SGPP2: variants seen among roughly 807,000 people sequenced by gnomAD.
The protein encoded by SGPP2 is sphingosine-1-phosphate phosphatase 2.
A neutral mutation model predicts 33.9 loss-of-function variants in SGPP2; 30 were observed. The observed-to-expected ratio is 0.89, with a 90% CI of 0.66 to 1.20. The LOEUF is 1.20. Ranked by LOEUF, SGPP2 falls within the 50% of genes most tolerant of loss-of-function variation. SGPP2 has a pLI of 0.00. For synonymous variants in SGPP2, 233 were observed against 225.0 expected (o/e 1.04, Z -0.32); for missense variants, 458 against 532.1 (o/e 0.86, Z 1.37).
intron 4 of SGPP2, among the ~76,000 whole-genome samples, chr2:222,541,068 C>G (rs191124554): frequency 6.6e-6 from 1 of 152,320 alleles, no homozygotes; most frequent in Admixed American, 6.5e-5. Context: ...CCACCCGCCT[C>G]AGCCTTCCAA....
chr2:222,553,617 C>T (rs542489874), intron 4 of SGPP2, among the ~76,000 whole-genome samples: 4 of 152,298 alleles, frequency 2.6e-5, no homozygotes, highest in South Asian at 2.1e-4. Context: ...AATTTGAGAA[C>T]GTTTCCCATT....
In SGPP2 at chr2:222,465,850, TGACCCG is replaced by T. The variant is rs1335983387; in HGVS notation, c.220-8717_220-8712del. Among the ~76,000 whole-genome samples, 2 of 152,182 alleles carry T rather than the reference TGACCCG, an allele frequency of 1.3e-5. No individual in the cohort carries two copies. The highest frequency in any genetic ancestry group is 3.9e-4 in the East Asian group (2 of 5,192). On this transcript the variant is annotated intron_variant, in intron 1 of 4. Transcript: ENST00000321276. The surrounding 1 kb of genome is among the most constrained non-coding windows in gnomAD (Gnocchi z 4.1). ...GGCCTTTCACTAAGTGTTCTCTCTC[TGACCCG>T]CAGACCCTCAAAGAAGCAACACCTC...
intron 2 of SGPP2, among the ~76,000 whole-genome samples, chr2:222,501,643 G>C (rs1698367430): frequency 6.6e-6 from 1 of 152,260 alleles, no homozygotes; most frequent in South Asian, 2.1e-4. Flanking sequence ...AACAGACACT[G>C]CCATAGAAGG....
At chr2:222,427,673 G>C (rs892625629) in intron 1 of SGPP2, among the ~76,000 whole-genome samples, 3 of 152,134 alleles carry the variant, frequency 2.0e-5, no homozygotes, top group African/African-American at 7.2e-5. Context: ...GTTGATTTAG[G>C]ACCCTTCAAA....
At chr2:222,428,965 T>C (rs1697112856) in intron 1 of SGPP2, among the ~76,000 whole-genome samples, 1 of 151,956 alleles carries the variant, frequency 6.6e-6, no homozygotes, top group Non-Finnish European at 1.5e-5. Flanking sequence ...CTAATTTTTG[T>C]ATTTTTAGTA....
chr2:222,542,463 A>G (rs1699012942), intron 4 of SGPP2, among the ~76,000 whole-genome samples: 1 of 152,188 alleles, frequency 6.6e-6, no homozygotes, highest in Non-Finnish European at 1.5e-5. Context: ...TGAGGCATGC[A>G]TATGTTCAGC....
At chr2:222,466,971 T>C (rs529530444) in intron 1 of SGPP2, among the ~76,000 whole-genome samples, 1 of 152,328 alleles carries the variant, frequency 6.6e-6, no homozygotes, top group Non-Finnish European at 1.5e-5. Context: ...CTGTTCACTG[T>C]TCCCCTCTGG....
intron 4 of SGPP2, among the ~76,000 whole-genome samples, chr2:222,535,923 T>C (rs1698908626): frequency 1.3e-5 from 2 of 152,236 alleles, no homozygotes; most frequent in African/African-American, 2.4e-5. Context: ...GGGAGCTCGA[T>C]AAAGGCTTAA....
rs115551754 is a variant in SGPP2, at chr2:222,475,520, C to T, written c.378+794C>T. On this transcript the variant is annotated intron_variant, in intron 2 of 4. Coordinates refer to ENST00000321276, the MANE Select transcript of SGPP2 (RefSeq NM_152386.4). ...TAAAATCAGAAGCTGTTGAGCAATA[C>T]CTCCAAGCAGTATTAAGTGATTATA... Among the ~76,000 whole-genome samples, 627 of 152,198 alleles carry T rather than the reference C, an allele frequency of 4.1e-3. 7 individuals are homozygous for T. The highest frequency in any genetic ancestry group is 0.014 in the African/African-American group (593 of 41,528).
At chr2:222,532,444 C>T (rs889782755) in intron 4 of SGPP2, among the ~76,000 whole-genome samples, 14 of 152,182 alleles carry the variant, frequency 9.2e-5, no homozygotes, top group South Asian at 2.1e-4. Flanking sequence ...GCTTTGCTGA[C>T]GGGCTCCAGC....
chr2:222,511,330 A>G (rs1698523920), intron 2 of SGPP2, among the ~76,000 whole-genome samples: 1 of 152,200 alleles, frequency 6.6e-6, no homozygotes, highest in African/African-American at 2.4e-5. Context: ...TATTACATTT[A>G]TCCTGCATTC....
At chr2:222,491,366 T>G (rs928705460) in intron 2 of SGPP2, among the ~76,000 whole-genome samples, 4 of 152,170 alleles carry the variant, frequency 2.6e-5, no homozygotes, top group African/African-American at 9.7e-5. Context: ...TACCTGAGGC[T>G]GGGTGATTTA....
intron 1 of SGPP2, among the ~76,000 whole-genome samples, chr2:222,451,140 GAAAAA>G (rs5838950): frequency 7.6e-6 from 1 of 131,138 alleles, no homozygotes; most frequent in Non-Finnish European, 1.6e-5. Context: ...TACAAAAAGA[GAAAAA>G]AAAAAAAAAA....
intron 1 of SGPP2, chr2:222,452,433 GT>G: frequency 1.3e-6 from 1 of 782,322 alleles, no homozygotes; most frequent in Non-Finnish European, 2.3e-6. Context: ...TCATGGAGTA[GT>G]TTAGGAATAA....
chr2:222,554,398 G>T (rs1312526343), intron 4 of SGPP2, among the ~76,000 whole-genome samples: 2 of 152,192 alleles, frequency 1.3e-5, no homozygotes, highest in African/African-American at 4.8e-5. Context: ...GGTGGAACTT[G>T]GGTTATTTCC....
In SGPP2 at chr2:222,460,744, T is replaced by C. The variant is rs139436538; in HGVS notation, c.220-13824T>C. Among the ~76,000 whole-genome samples, 252 of 152,312 alleles carry C rather than the reference T, an allele frequency of 1.7e-3. 2 individuals are homozygous for C. In the Middle Eastern group the frequency reaches 0.017, roughly 10 times the overall value. On this transcript the variant is annotated intron_variant, in intron 1 of 4. Transcript: ENST00000321276. This position sits in a 1 kb window ranked among gnomAD's most constrained non-coding sequence, Gnocchi z 4.3. ...GGCTGCTCTGTCGTGGACCAGGTACTGTTTCAGGAACACGGTGCCTCACAG... is the reference window on the plus strand; with the variant it reads ...GGCTGCTCTGTCGTGGACCAGGTACCGTTTCAGGAACACGGTGCCTCACAG...
At chr2:222,458,327 T>C (rs967770638) in intron 1 of SGPP2, among the ~76,000 whole-genome samples, 3 of 152,068 alleles carry the variant, frequency 2.0e-5, no homozygotes, top group Non-Finnish European at 4.4e-5. Flanking sequence ...AGTGTTGGGA[T>C]TACAGGTGTG....
chr2:222,471,752 C>A (rs560443010), intron 1 of SGPP2, among the ~76,000 whole-genome samples: 2 of 152,178 alleles, frequency 1.3e-5, no homozygotes, highest in African/African-American at 4.8e-5. Context: ...AGAAAAATCT[C>A]CCTGTAACAG....
In SGPP2 at chr2:222,465,996, A is replaced by G. The variant is rs1697739129; in HGVS notation, c.220-8572A>G. Among the ~76,000 whole-genome samples, 4 of 152,162 alleles carry G rather than the reference A, an allele frequency of 2.6e-5. No individual in the cohort carries two copies. In the South Asian group the frequency reaches 6.2e-4, roughly 24 times the overall value. Reference sequence around the variant, plus strand: ...ATTTCGTCATAGCACTTATTGCTAAATGAAGTAGTCTTGCTAGCTGGCTGT... The same window carrying G: ...ATTTCGTCATAGCACTTATTGCTAAGTGAAGTAGTCTTGCTAGCTGGCTGT... On this transcript the variant is annotated intron_variant, in intron 1 of 4. Transcript: ENST00000321276. This position sits in a 1 kb window ranked among gnomAD's most constrained non-coding sequence, Gnocchi z 4.1.
Sources: allele counts gnomAD v4.1 joint callset (sites outside exome capture counted in the v4.1 genomes callset), GRCh38; gene constraint gnomAD v4.1.1; non-coding constraint Gnocchi (gnomAD v3.1); transcripts MANE v1.5; gene names NCBI Gene and HGNC (gene_info 2026-07-23, HGNC 2026-07-21).